The following DNAH7 variants were observed in gnomAD, a reference collection of about 807,000 sequenced individuals.
DNAH7 encodes dynein axonemal heavy chain 7, also known as axonemal beta dynein heavy chain 7.
A neutral mutation model predicts 444.6 loss-of-function variants in DNAH7; 397 were observed. The observed-to-expected ratio is 0.89, with a 90% CI of 0.82 to 0.97. The LOEUF is 0.97. Ranked by LOEUF, DNAH7 falls within the 50% of genes least tolerant of loss-of-function variation. The probability of loss-of-function intolerance (pLI) is 0.00; values close to 1 mark genes in which losing one functional copy is unlikely to be tolerated. For missense variants in DNAH7, 4,902 were observed against 4,800.8 expected (o/e 1.02, Z -0.62); for synonymous variants, 1,636 against 1,624.4 (o/e 1.01, Z -0.17).
At chr2:195,907,602 G>T (rs942710120) in intron 25 of DNAH7, among the ~76,000 whole-genome samples, 4 of 151,916 alleles carry the variant, frequency 2.6e-5, no homozygotes, top group Non-Finnish European at 5.9e-5. Context: ...ACATTTTATA[G>T]ATTGTGTGTG....
In DNAH7 at chr2:195,988,206, G is replaced by A. The variant is rs1255224476; in HGVS notation, c.1377C>T (p.Thr459=). 1.9e-6 allele frequency: 3 copies of A among 1,607,834 alleles called. No individual in the cohort carries two copies. The highest frequency in any genetic ancestry group is 1.7e-5 in the Admixed American group (1 of 58,988). The change falls in exon 13 of 65, where the codon ACC becomes ACT. Residue 459 remains threonine, a synonymous_variant. Coordinates refer to ENST00000312428, the MANE Select transcript of DNAH7 (RefSeq NM_018897.3). ...SKWESKSKPT[T]LKPIILNEIV... ...TTTCATTCAGAATTATGGGCTTCAA[G>A]GTTGTTGGTTTAGACTTACTTTCCT...
At chr2:195,760,421 G>A (rs1300115655) in intron 61 of DNAH7, among the ~76,000 whole-genome samples, 1 of 152,176 alleles carries the variant, frequency 6.6e-6, no homozygotes, top group Non-Finnish European at 1.5e-5. Flanking sequence ...AGGGCCTTGA[G>A]CAAACATAGA....
At position 195,796,557 on chromosome 2, in the gene DNAH7, T is replaced by C. The variant is rs773764772; in HGVS notation, c.10515+19A>G. On this transcript the variant is annotated intron_variant, in intron 56 of 64. Coordinates refer to ENST00000312428, the MANE Select transcript of DNAH7 (RefSeq NM_018897.3). The stretch of plus-strand genomic sequence containing the variant: ...GATCCAGGGAATGCAATCTAATAAG[T>C]ATAAACTTGCATTTTTACCTCACAG... 34 of 1,613,640 alleles carry C rather than the reference T, an allele frequency of 2.1e-5. 1 individual carries two copies. In the South Asian group the frequency reaches 3.0e-4, roughly 14 times the overall value.
At chr2:195,808,447 A>G (rs983990656) in intron 53 of DNAH7, among the ~76,000 whole-genome samples, 2 of 152,222 alleles carry the variant, frequency 1.3e-5, no homozygotes. Context: ...AAATTCAACA[A>G]GTATATTCTC....
rs368858620 is a variant in DNAH7, at chr2:196,030,337, C to T, written c.399-2290G>A. Among the ~76,000 whole-genome samples the T allele has an allele frequency of 8.9e-4, 135 of 152,250 alleles. 1 individual carries two copies. Among genetic ancestry groups the T allele is most frequent in the South Asian group, 2.3e-3 (11 of 4,818 alleles). The stretch of plus-strand genomic sequence containing the variant: ...TGATTCAATTATCTCCCACTGGGTC[C>T]CTCCCACAACATGTGGTAATTATGG... On this transcript the variant is annotated intron_variant, in intron 5 of 64. Transcript: ENST00000312428.
intron 26 of DNAH7, 37 bp downstream of exon 26, chr2:195,906,870 T>G (rs766964471): frequency 6.2e-7 from 1 of 1,609,846 alleles, no homozygotes; most frequent in African/African-American, 1.3e-5. Context: ...ATATTTCTTT[T>G]ATTTTCACAT....
At chr2:195,815,077 G>A (rs993089438) in intron 51 of DNAH7, among the ~76,000 whole-genome samples, 20 of 150,524 alleles carry the variant, frequency 1.3e-4, no homozygotes, top group African/African-American at 4.2e-4. Flanking sequence ...CTTGTCCCAC[G>A]GAACTCAGAA....
chr2:195,866,086 A>G (rs1416198054), intron 40 of DNAH7, among the ~76,000 whole-genome samples: 2 of 152,216 alleles, frequency 1.3e-5, no homozygotes, highest in Non-Finnish European at 2.9e-5. Context: ...GGAACGTTGG[A>G]TCCTTACTCT....
intron 20 of DNAH7, among the ~76,000 whole-genome samples, chr2:195,936,079 A>G (rs938218879): frequency 6.6e-6 from 1 of 152,160 alleles, no homozygotes; most frequent in Non-Finnish European, 1.5e-5. Context: ...AGATGTGATA[A>G]GTTAAGAAAT....
intron 58 of DNAH7, among the ~76,000 whole-genome samples, chr2:195,783,733 C>T (rs1695491979): frequency 1.3e-5 from 2 of 152,174 alleles, no homozygotes; most frequent in African/African-American, 4.8e-5. Context: ...TCTCCTAAAA[C>T]CAGCCTGCCA....
At chr2:195,849,254 CT>C (rs1251282066) in intron 46 of DNAH7, among the ~76,000 whole-genome samples, 7 of 152,188 alleles carry the variant, frequency 4.6e-5, no homozygotes, top group Non-Finnish European at 1.0e-4. Flanking sequence ...TACTTCCTTA[CT>C]CTTGCTCAAA....
At chr2:196,063,034 C>T (rs1210659081) in intron 1 of DNAH7, among the ~76,000 whole-genome samples, 1 of 152,102 alleles carries the variant, frequency 6.6e-6, no homozygotes, top group East Asian at 1.9e-4. Flanking sequence ...AGGCGTGTGC[C>T]ACCACACTGG....
At chr2:195,906,557 G>C (rs1395630023) in intron 27 of DNAH7, 102 bp downstream of exon 27, 1 of 1,090,296 alleles carries the variant, frequency 9.2e-7, no homozygotes, top group Non-Finnish European at 1.3e-6. Context: ...GCCTCCTAAA[G>C]TGCTAGGATT....
chr2:195,888,573 T>C, intron 32 of DNAH7, 139 bp from the exon 33 acceptor site: 3 of 1,034,402 alleles, frequency 2.9e-6, no homozygotes, highest in Non-Finnish European at 4.1e-6. Context: ...ATGATGTCGA[T>C]TTTTGTGTCT....
chr2:196,008,975 C>T (rs899037200), intron 10 of DNAH7, among the ~76,000 whole-genome samples: 41 of 144,230 alleles, frequency 2.8e-4, no homozygotes, highest in African/African-American at 1.0e-3. Flanking sequence ...ATTATAATTA[C>T]GGCAGAAGGT....
intron 12 of DNAH7, chr2:195,999,163 G>A (rs964009747): frequency 2.8e-6 from 2 of 717,448 alleles, no homozygotes; most frequent in South Asian, 3.0e-5. Flanking sequence ...GTTCTGAGGA[G>A]ACGAAACTTC....
chr2:195,950,844 T>G (rs1030910917), intron 19 of DNAH7, among the ~76,000 whole-genome samples: 2 of 78,572 alleles, frequency 2.5e-5, no homozygotes, highest in African/African-American at 1.2e-4. Flanking sequence ...AGAGTGGGAC[T>G]CTGTCTCAAA....
intron 15 of DNAH7, among the ~76,000 whole-genome samples, chr2:195,976,549 T>C (rs1261289661): frequency 2.6e-5 from 4 of 151,950 alleles, no homozygotes; most frequent in Admixed American, 6.6e-5. Context: ...CATCTGCCAA[T>C]TGTAGAGCCC....
intron 3 of DNAH7, among the ~76,000 whole-genome samples, chr2:196,050,461 G>A (rs930200854): frequency 1.3e-5 from 2 of 152,094 alleles, no homozygotes; most frequent in Non-Finnish European, 2.9e-5. Context: ...GAATGTCACT[G>A]AATACTTAAA....
Sources: allele counts gnomAD v4.1 joint callset (sites outside exome capture counted in the v4.1 genomes callset), GRCh38; gene constraint gnomAD v4.1.1; transcripts MANE v1.5; gene names NCBI Gene and HGNC (gene_info 2026-07-23, HGNC 2026-07-21).